Variants in LRIG1 observed in about 807,000 individuals in gnomAD.
The protein encoded by LRIG1 is leucine rich repeats and immunoglobulin like domains 1, also known as leucine-rich repeats and immunoglobulin-like domains protein 1.
Under a neutral mutation model 99.2 loss-of-function variants are expected in LRIG1, and 48 were observed. The ratio of observed to expected loss-of-function variants is 0.48; its 90% CI spans 0.38 to 0.62. The LOEUF is 0.62. Ranked by LOEUF, LRIG1 falls within the 20% of genes least tolerant of loss-of-function variation. The pLI, the probability that LRIG1 is intolerant of heterozygous loss-of-function variation, is 0.00. For synonymous variants in LRIG1, 772 were observed against 596.1 expected, an observed-to-expected ratio of 1.29 and a Z score of -4.30; for missense variants, 1,646 against 1,434.4, an observed-to-expected ratio of 1.15 and a Z score of -2.38.
intron 4 of LRIG1, among the ~76,000 whole-genome samples, chr3:66,415,776 T>C (rs1702599809): frequency 6.6e-6 from 1 of 152,160 alleles, no homozygotes; most frequent in South Asian, 2.1e-4. Flanking sequence ...TGTATGCAAA[T>C]TATATCAAGT....
intron 4 of LRIG1, 152 bp from the exon 5 acceptor site, chr3:66,415,215 T>C: frequency 1.3e-6 from 1 of 751,110 alleles, no homozygotes; most frequent in South Asian, 2.2e-5. Context: ...GCCACAGGCT[T>C]TGGATGGGGA....
chr3:66,386,860 T>A (rs1369507883), intron 12 of LRIG1: 2 of 152,320 alleles, frequency 1.3e-5, no homozygotes, highest in Admixed American at 1.3e-4. Context: ...TAGCAACATC[T>A]CAGAAATGTG....
In LRIG1 at chr3:66,464,609, CATTA is replaced by C. The variant is rs1187994480; in HGVS notation, c.219-2104_219-2101del. Among the ~76,000 whole-genome samples the C allele has an allele frequency of 2.0e-5, 3 of 152,104 alleles. No individual in the cohort carries two copies. The East Asian group carries it at 5.8e-4, about 29-fold the overall frequency. On this transcript the variant is annotated intron_variant, in intron 1 of 18. Coordinates refer to ENST00000273261, the MANE Select transcript of LRIG1 (RefSeq NM_015541.3). ...GATCTGGGCCACTGACTCTTGAGGC[CATTA>C]GGTTCAAAGGGAACATATGTTTCTG...
chr3:66,487,827 G>T (rs1488598362), intron 1 of LRIG1, among the ~76,000 whole-genome samples: 1 of 152,096 alleles, frequency 6.6e-6, no homozygotes, highest in African/African-American at 2.4e-5. Context: ...GTTCTTAAAG[G>T]GAGAATTTTT....
chr3:66,414,845 T>C (rs1702575058), intron 5 of LRIG1, 75 bp downstream of exon 5: 2 of 1,397,746 alleles, frequency 1.4e-6, no homozygotes, highest in African/African-American at 1.4e-5. Flanking sequence ...TGGCGTTTGG[T>C]ACGAGGTCCT....
chr3:66,383,108 C>T lies in LRIG1; in HGVS notation c.2365G>A (p.Asp789Asn). 6.2e-7 allele frequency: 1 copy of T among 1,614,266 alleles called. No homozygotes were observed. Among genetic ancestry groups the T allele is most frequent in the East Asian group, 2.2e-5 (1 of 44,876 alleles). ...SVLPAAGCRKDGTTVGIFTIA... is the reference protein window; with the variant it reads ...SVLPAAGCRKNGTTVGIFTIA... ...GTGAAGATGCCTACCGTGGTCCCAT[C>T]CTTCCTGCAGCCTGCTGCGGGCAGG... The change falls in exon 15 of 19, where the codon GAT (aspartate) becomes AAT (asparagine). Residue 789 changes from aspartate to asparagine, a missense_variant. Coordinates refer to ENST00000273261, the MANE Select transcript of LRIG1 (RefSeq NM_015541.3).
At chr3:66,407,618 T>TGC (rs938486467) in intron 7 of LRIG1, 127 bp from the exon 8 acceptor site, 57 of 867,282 alleles carry the variant, frequency 6.6e-5, no homozygotes, top group African/African-American at 8.8e-5. Flanking sequence ...CGCACGCGCG[T>TGC]GCGTGCACAC....
chr3:66,496,976 CT>C (rs1375806883), intron 1 of LRIG1, among the ~76,000 whole-genome samples: 2 of 152,252 alleles, frequency 1.3e-5, no homozygotes, highest in Non-Finnish European at 2.9e-5. Context: ...AGTACCACTT[CT>C]TTGCCAAAAC....
At chr3:66,453,791 C>G (rs544879645) in intron 2 of LRIG1, among the ~76,000 whole-genome samples, 17 of 152,274 alleles carry the variant, frequency 1.1e-4, no homozygotes, top group African/African-American at 4.1e-4. Flanking sequence ...TGTTTTTCAG[C>G]CAGCTTAGGA....
rs899868606 is a variant in LRIG1 at position 66,382,181 on chromosome 3, A to T, written c.2617+92T>A. ...CACCAAGTTTGCCCCATCTAATGCC[A>T]GGTACCTGCCCTGTAAAGACCTGGA... On this transcript the variant is annotated intron_variant, in intron 16 of 18. Coordinates refer to ENST00000273261, the MANE Select transcript of LRIG1 (RefSeq NM_015541.3). The T allele has an allele frequency of 1.2e-5, 18 of 1,480,396 alleles. 1 individual carries two copies. The highest frequency in any genetic ancestry group is 1.5e-5 in the Non-Finnish European group (16 of 1,071,752). The allele number at this position is 1,480,396 out of a possible 1,614,324, so 91.7% of individuals were successfully genotyped here. A position where few individuals can be genotyped will look rare whatever the true frequency, so the allele number is the denominator to read the frequency against.
chr3:66,380,361 G>A lies in LRIG1; in HGVS notation c.3184C>T (p.Leu1062Phe). Residue 1062 changes from leucine to phenylalanine, a missense_variant, in exon 19 of 19, where the codon CTC becomes TTC. Coordinates refer to ENST00000273261, the MANE Select transcript of LRIG1 (RefSeq NM_015541.3). ...AQYLLVSNGH[L>F]PKACDASPES... is the part of the protein sequence containing the mutation. ...GGACTGGCGTCACATGCTTTGGGGA[G>A]GTGGCCATTGGAAACAAGCAAGTAC... 1 of 1,614,186 alleles carries A rather than the reference G, an allele frequency of 6.2e-7. No homozygotes were observed. Among genetic ancestry groups the A allele is most frequent in the South Asian group, 1.1e-5 (1 of 91,080 alleles).
chr3:66,402,337 C>CAGTTAGGAAGAA (rs1220255464), intron 9 of LRIG1, among the ~76,000 whole-genome samples: 1 of 152,186 alleles, frequency 6.6e-6, no homozygotes, highest in Non-Finnish European at 1.5e-5. Context: ...AATCCCAGAC[C>CAGTTAGGAAGAA]AGTTAGGAAG....
chr3:66,380,733 G>A lies in LRIG1; in HGVS notation c.2899C>T (p.Pro967Ser), dbSNP rs149928505. The change falls in exon 18 of 19, where the codon CCG (proline) becomes TCG (serine). Residue 967 changes from proline (P) to serine (S), a missense_variant. Physicochemically the swap from Pro to Ser is moderately conservative, Grantham distance 74. Coordinates refer to ENST00000273261, the MANE Select transcript of LRIG1 (RefSeq NM_015541.3). ...GAATGCTCTTGGTCACTCCCACCCGGCTCCGGGCCATTTGGCGCACTTGGC... is the reference window on the plus strand; with the variant it reads ...GAATGCTCTTGGTCACTCCCACCCGACTCCGGGCCATTTGGCGCACTTGGC... ...AQPSAPNGPE[P>S]GGSDQEHSPH... 1.5e-4 allele frequency: 240 copies of A among 1,614,196 alleles called. No individual in the cohort carries two copies. The African/African-American group carries it at 1.7e-3, about 11-fold the overall frequency.
rs1175027578 is a variant in LRIG1, at chr3:66,380,711, T to G, written c.2921A>C (p.His974Pro). The G allele has an allele frequency of 1.2e-6, 2 of 1,614,234 alleles. No individual in the cohort carries two copies. The highest frequency in any genetic ancestry group is 4.5e-5 in the East Asian group (2 of 44,884). Residue 974 changes from histidine to proline, a missense_variant, in exon 18 of 19, where the codon CAT (histidine) becomes CCT (proline). His to Pro is a moderately conservative substitution (Grantham distance 77). Coordinates refer to ENST00000273261, the MANE Select transcript of LRIG1 (RefSeq NM_015541.3). ...GPEPGGSDQE[H>P]SPHHQCSRTA... is the part of the protein sequence containing the mutation. ...CCTGCTGCACTGGTGATGTGGAGAATGCTCTTGGTCACTCCCACCCGGCTC... is the reference window on the plus strand; with the variant it reads ...CCTGCTGCACTGGTGATGTGGAGAAGGCTCTTGGTCACTCCCACCCGGCTC...
intron 3 of LRIG1, among the ~76,000 whole-genome samples, chr3:66,426,352 G>A (rs1702982001): frequency 6.6e-6 from 1 of 152,200 alleles, no homozygotes; most frequent in Admixed American, 6.5e-5. Flanking sequence ...AGTGGGCCAG[G>A]ATTGGGACCA....
In LRIG1 at chr3:66,407,467, T is replaced by C. The variant is rs775896280; in HGVS notation, c.960A>G (p.Thr320=). 2 of 1,613,930 alleles carry C rather than the reference T, an allele frequency of 1.2e-6. No homozygotes were observed. The highest frequency in any genetic ancestry group is 2.2e-5 in the East Asian group (1 of 44,852). ...HELVLSFNNL[T]RLDEESLAEL... is the part of the protein sequence containing the mutation. ...CGGCCAGGCTCTCCTCGTCCAGCCG[T>C]GTCAGGTTGTTGAAGGACAGGACCC... The change falls in exon 8 of 19, where the codon ACA becomes ACG. Residue 320 remains threonine (T), a synonymous_variant. Coordinates refer to ENST00000273261, the MANE Select transcript of LRIG1 (RefSeq NM_015541.3).
intron 1 of LRIG1, among the ~76,000 whole-genome samples, 162 bp from the exon 2 acceptor site, chr3:66,462,671 C>A (rs895098844): frequency 6.6e-6 from 1 of 151,248 alleles, no homozygotes; most frequent in African/African-American, 2.4e-5. Context: ...TACAGACATA[C>A]CCCCTCCCCA....
At chr3:66,433,230 G>C (rs1703238182) in intron 3 of LRIG1, among the ~76,000 whole-genome samples, 1 of 152,222 alleles carries the variant, frequency 6.6e-6, no homozygotes, top group South Asian at 2.1e-4. Flanking sequence ...TTAAGACCCT[G>C]GTATGAAGTC....
At chr3:66,470,494 C>A (rs985301497) in intron 1 of LRIG1, among the ~76,000 whole-genome samples, 17 of 152,056 alleles carry the variant, frequency 1.1e-4, no homozygotes, top group African/African-American at 3.9e-4. Context: ...GAAGTCAGGA[C>A]CTCCTAGAAA....
Sources: allele counts gnomAD v4.1 joint callset (sites outside exome capture counted in the v4.1 genomes callset), GRCh38; gene constraint gnomAD v4.1.1; transcripts MANE v1.5; gene names NCBI Gene and HGNC (gene_info 2026-07-23, HGNC 2026-07-21).